SINHCAF: variants seen among roughly 807,000 people sequenced by gnomAD.
SINHCAF encodes SIN3-HDAC complex associated factor.
Under a neutral mutation model 25.8 loss-of-function variants are expected in SINHCAF, and 3 were observed. The ratio of observed to expected loss-of-function variants is 0.12; its 90% confidence interval spans 0.05 to 0.30. The LOEUF is 0.30. Ranked by LOEUF, SINHCAF falls within the 10% of genes least tolerant of loss-of-function variation. SINHCAF has a pLI of 1.00. For missense variants in SINHCAF, 121 were observed against 262.3 expected, an observed-to-expected ratio of 0.46 and a Z score of 3.72; for synonymous variants, 70 against 85.5, an observed-to-expected ratio of 0.82 and a Z score of 1.00.
At chr12:31,314,149 T>C (rs954566117) in intron 1 of SINHCAF, among the ~76,000 whole-genome samples, 4 of 151,840 alleles carry the variant, frequency 2.6e-5, no homozygotes, top group African/African-American at 7.3e-5. Context: ...CCGTGTTTCC[T>C]GTCACAGTCT....
At chr12:31,297,114 A>G (rs1371979084) in intron 2 of SINHCAF, 3 of 369,410 alleles carry the variant, frequency 8.1e-6, no homozygotes, top group Non-Finnish European at 1.1e-5. Flanking sequence ...TTTTCTTATC[A>G]AAACATTTGT....
intron 1 of SINHCAF, among the ~76,000 whole-genome samples, chr12:31,308,912 G>C (rs1939144142): frequency 5.9e-5 from 9 of 151,968 alleles, no homozygotes; most frequent in Non-Finnish European, 4.4e-5. Flanking sequence ...TGGATCACTT[G>C]AGGTCAGGAG....
chr12:31,289,124 C>G (rs1460992604), intron 4 of SINHCAF, among the ~76,000 whole-genome samples: 1 of 152,054 alleles, frequency 6.6e-6, no homozygotes, highest in Non-Finnish European at 1.5e-5. Context: ...CCCATATGAA[C>G]GACACAGAAA....
At chr12:31,323,987 C>A (rs1018383444) in intron 1 of SINHCAF, 4 of 455,728 alleles carry the variant, frequency 8.8e-6, no homozygotes, top group Non-Finnish European at 1.8e-5. Flanking sequence ...CGGTGACTGC[C>A]GAGAGAGACG....
rs745390336 is a variant in SINHCAF at position 31,324,951 on chromosome 12, C to T, written c.-21+1073G>A. ...TCATCAGCAAACCACATTGTCCTGC[C>T]GGCCGGACCTGCCCGACGGCGGCCG... On this transcript the variant is annotated intron_variant, in intron 1 of 5. Coordinates refer to ENST00000337682, the MANE Select transcript of SINHCAF (RefSeq NM_001135812.2). The surrounding 1 kb of genome is among the most constrained non-coding windows in gnomAD (Gnocchi z 5.5). 3 of 456,274 alleles carry T rather than the reference C, an allele frequency of 6.6e-6. No homozygotes were observed. Among genetic ancestry groups the T allele is most frequent in the East Asian group, 6.9e-5 (1 of 14,408 alleles). 28.3% of individuals were successfully genotyped at this position (456,274 alleles called of 1,614,324 possible).
chr12:31,295,204 A>G (rs1167018903), intron 3 of SINHCAF, 30 bp downstream of exon 3: 2 of 1,301,522 alleles, frequency 1.5e-6, no homozygotes, highest in African/African-American at 1.5e-5. Flanking sequence ...CAGTAGAGGT[A>G]TAATTGAGAA....
intron 1 of SINHCAF, among the ~76,000 whole-genome samples, chr12:31,314,504 C>T (rs894889108): frequency 1.3e-5 from 2 of 150,850 alleles, no homozygotes; most frequent in Non-Finnish European, 2.9e-5. Context: ...CCAGCCTGGG[C>T]AACAGAGCGA....
intron 1 of SINHCAF, among the ~76,000 whole-genome samples, chr12:31,322,016 A>AG (rs1219486838): frequency 6.6e-6 from 1 of 152,058 alleles, no homozygotes; most frequent in Non-Finnish European, 1.5e-5. Flanking sequence ...TTGACCATTC[A>AG]GGTTCCAGAT....
chr12:31,316,585 A>G (rs1939503862), intron 1 of SINHCAF, among the ~76,000 whole-genome samples: 1 of 152,236 alleles, frequency 6.6e-6, no homozygotes, highest in Non-Finnish European at 1.5e-5. Flanking sequence ...CTAATTTTAC[A>G]TCTAATTAAA....
intron 1 of SINHCAF, among the ~76,000 whole-genome samples, chr12:31,308,621 T>C (rs75174421): frequency 0.012 from 1,788 of 152,298 alleles, 17 homozygotes; most frequent in East Asian, 0.037. Flanking sequence ...GAGGTATGCA[T>C]ACACTGGATG....
At position 31,298,648 on chromosome 12, in the gene SINHCAF, GT is replaced by G. The variant is rs560640972; in HGVS notation, c.-20-425del. Reference sequence around the variant, plus strand: ...ATTAACGTGATTCCCCTCTGGGGAAGTTTTGAGCATTTACCATGAATACTAT... The same window carrying G: ...ATTAACGTGATTCCCCTCTGGGGAAGTTTGAGCATTTACCATGAATACTAT... On this transcript the variant is annotated intron_variant, in intron 1 of 5. Coordinates refer to ENST00000337682, the MANE Select transcript of SINHCAF (RefSeq NM_001135812.2). The G allele has an allele frequency of 7.4e-5, 17 of 228,888 alleles. 2 individuals carry two copies. In the South Asian group the frequency reaches 1.1e-3, roughly 15 times the overall value. 14.2% of individuals were successfully genotyped at this position (228,888 alleles called of 1,614,324 possible).
chr12:31,324,185 G>A lies in SINHCAF; in HGVS notation c.-21+1839C>T. 1 of 220,710 alleles carries A rather than the reference G, an allele frequency of 4.5e-6. No individual in the cohort carries two copies. The highest frequency in any genetic ancestry group is 8.8e-6 in the Non-Finnish European group (1 of 114,258). The allele number at this position is 220,710 out of a possible 1,614,324, so 13.7% of individuals were successfully genotyped here. On this transcript the variant is annotated intron_variant, in intron 1 of 5. Coordinates refer to ENST00000337682, the MANE Select transcript of SINHCAF (RefSeq NM_001135812.2). This position sits in a 1 kb window ranked among gnomAD's most constrained non-coding sequence, Gnocchi z 5.5. ...AACGGGCCCCGCGCCAGCCCGGCCC[G>A]GCGCCTCCCGCAGGCCGCGCCTCCC...
At chr12:31,323,259 A>G (rs1939778023) in intron 1 of SINHCAF, among the ~76,000 whole-genome samples, 1 of 152,192 alleles carries the variant, frequency 6.6e-6, no homozygotes, top group South Asian at 2.1e-4. Flanking sequence ...CCGAAACTCC[A>G]CCAGAAACAA....
At chr12:31,299,181 C>A (rs1028233328) in intron 1 of SINHCAF, among the ~76,000 whole-genome samples, 1 of 151,998 alleles carries the variant, frequency 6.6e-6, no homozygotes, top group Non-Finnish European at 1.5e-5. Context: ...CCAAAACAAC[C>A]GGACTAAGAG....
Position 31,296,147 on chromosome 12 carries a change from G to A in SINHCAF, c.129-814C>T, listed in dbSNP as rs184495585. ...CTGTTTAATTAATCTTTCTTGAAAT[G>A]TGTAAATATATTTCTTTTTTGGTGG... is the stretch of plus-strand genomic sequence containing the variant. On this transcript the variant is annotated intron_variant, in intron 2 of 5. Transcript: ENST00000337682. Among the ~76,000 whole-genome samples the A allele has an allele frequency of 8.3e-4, 127 of 152,120 alleles. 2 individuals carry two copies. The highest frequency in any genetic ancestry group is 2.7e-3 in the African/African-American group (111 of 41,512).
At chr12:31,311,935 G>A in intron 1 of SINHCAF, 1 of 583,158 alleles carries the variant, frequency 1.7e-6, no homozygotes, top group Non-Finnish European at 3.3e-6. Flanking sequence ...AAGAATGTGT[G>A]GCCTTTTGAT....
chr12:31,306,256 A>T (rs75111224), intron 1 of SINHCAF, among the ~76,000 whole-genome samples: 22,444 of 152,232 alleles, frequency 0.15, 2,239 homozygotes, highest in Non-Finnish European at 0.23. Flanking sequence ...AGGTAGAAAA[A>T]GAAAATGATC....
chr12:31,325,360 C>A lies in SINHCAF; in HGVS notation c.-21+664G>T, dbSNP rs1222835038. 2 of 397,788 alleles carry A rather than the reference C, an allele frequency of 5.0e-6. No homozygotes were observed. Among genetic ancestry groups the A allele is most frequent in the Admixed American group, 2.8e-5 (1 of 35,218 alleles). The allele number at this position is 397,788 out of a possible 1,614,324, so 24.6% of individuals were successfully genotyped here. A position where few individuals can be genotyped will look rare whatever the true frequency, so the allele number is the denominator to read the frequency against. ...TTGCTCTCATTGTCGCATCCGCATC[C>A]CTCCGGAGTTGAGCAAACAACGCCA... On this transcript the variant is annotated intron_variant, in intron 1 of 5. Coordinates refer to ENST00000337682, the MANE Select transcript of SINHCAF (RefSeq NM_001135812.2). This position sits in a 1 kb window ranked among gnomAD's most constrained non-coding sequence, Gnocchi z 5.9.
chr12:31,297,937 G>A, intron 2 of SINHCAF, 140 bp downstream of exon 2: 1 of 834,302 alleles, frequency 1.2e-6, no homozygotes, highest in East Asian at 2.5e-5. Context: ...CATTTAAAAA[G>A]CAGGAGACTT....
Sources: gnomAD v4.1 joint callset for allele counts (sites outside exome capture counted in the v4.1 genomes callset) on GRCh38, gnomAD v4.1.1 for gene constraint, Gnocchi (gnomAD v3.1) non-coding constraint, MANE v1.5 for transcripts, NCBI Gene and HGNC (gene_info 2026-07-23, HGNC 2026-07-21) for gene names.